KCNH1: variants seen among roughly 807,000 people sequenced by gnomAD.
The protein encoded by KCNH1 is voltage-gated delayed rectifier potassium channel KCNH1.
KCNH1 carries 27 observed loss-of-function variants against 69.2 expected under a neutral mutation model. The observed-to-expected ratio is 0.39, with a 90% CI of 0.29 to 0.54. KCNH1 has a LOEUF of 0.54. Among genes scored for constraint, KCNH1 ranks in the 20% least tolerant of loss-of-function variants. The pLI, the probability that KCNH1 is intolerant of heterozygous loss-of-function variation, is 0.68. For missense variants in KCNH1, 798 were observed against 1,261.6 expected, an observed-to-expected ratio of 0.63 and a Z score of 5.57; for synonymous variants, 456 against 487.7, an observed-to-expected ratio of 0.93 and a Z score of 0.86.
At chr1:210,988,037 G>A (rs1688873969) in intron 6 of KCNH1, among the ~76,000 whole-genome samples, 1 of 152,222 alleles carries the variant, frequency 6.6e-6, no homozygotes, top group South Asian at 2.1e-4. Context: ...TCAGACTGCT[G>A]TGCTAGTAAT....
intron 10 of KCNH1, among the ~76,000 whole-genome samples, chr1:210,698,780 G>A (rs973279289): frequency 3.3e-5 from 5 of 152,154 alleles, no homozygotes; most frequent in African/African-American, 1.2e-4. Flanking sequence ...GAGGAAGCTG[G>A]GAACGAGACT....
intron 7 of KCNH1, among the ~76,000 whole-genome samples, chr1:210,867,317 A>G (rs1458634736): frequency 6.9e-6 from 1 of 145,940 alleles, no homozygotes; most frequent in Non-Finnish European, 1.5e-5. Context: ...ACATAGAATT[A>G]TATGTATATG....
At chr1:210,699,897 C>G (rs964783329) in intron 10 of KCNH1, among the ~76,000 whole-genome samples, 1 of 152,120 alleles carries the variant, frequency 6.6e-6, no homozygotes, top group East Asian at 1.9e-4. Context: ...AGGTATGAGC[C>G]CACAAACCCA....
intron 7 of KCNH1, among the ~76,000 whole-genome samples, chr1:210,829,881 G>A (rs1685121764): frequency 6.6e-6 from 1 of 152,036 alleles, no homozygotes; most frequent in African/African-American, 2.4e-5. Context: ...TTATTAATCA[G>A]TCACATAGCC....
chr1:210,981,344 A>C (rs1383355574), intron 6 of KCNH1, among the ~76,000 whole-genome samples: 1 of 144,172 alleles, frequency 6.9e-6, no homozygotes, highest in Non-Finnish European at 1.5e-5. Context: ...TCCTCAGTCC[A>C]TGAATGAGTC....
intron 7 of KCNH1, chr1:210,862,032 T>G (rs1288940947): frequency 7.7e-6 from 6 of 781,260 alleles, no homozygotes; most frequent in Non-Finnish European, 1.4e-5. Context: ...GGCAATCTTC[T>G]TCTGGAATAG....
intron 9 of KCNH1, 110 bp downstream of exon 9, chr1:210,797,398 G>T: frequency 2.6e-6 from 3 of 1,173,322 alleles, no homozygotes; most frequent in Non-Finnish European, 2.5e-6. Flanking sequence ...ATTAGCAATT[G>T]GCCCTGCCCT....
chr1:211,127,436 A>C (rs1353652930), intron 1 of KCNH1, among the ~76,000 whole-genome samples: 3 of 152,198 alleles, frequency 2.0e-5, no homozygotes, highest in South Asian at 4.1e-4. Context: ...AAAAAAAAAA[A>C]AAAAAAAAAT....
intron 6 of KCNH1, among the ~76,000 whole-genome samples, chr1:210,948,931 C>T (rs1046323237): frequency 6.6e-6 from 1 of 151,832 alleles, no homozygotes; most frequent in Admixed American, 6.6e-5. Flanking sequence ...AATTTCATAT[C>T]ATTTTCTCAT....
rs1477187867 is a variant in KCNH1 at position 210,994,526 on chromosome 1, G to C, written c.1032+24257C>G. ...AGAGTCTTCAAGGAGATGGTAGTCT[G>C]TGCAGGGTCTTAAAGGATAGGCCCC... On this transcript the variant is annotated intron_variant, in intron 6 of 10. Transcript: ENST00000271751. Among the ~76,000 whole-genome samples, 16 of 152,222 alleles carry C rather than the reference G, an allele frequency of 1.1e-4. 1 individual carries two copies. The highest frequency in any genetic ancestry group is 1.0e-3 in the Admixed American group (16 of 15,278).
chr1:210,894,424 T>C (rs2102526919), intron 7 of KCNH1, among the ~76,000 whole-genome samples: 1 of 152,274 alleles, frequency 6.6e-6, no homozygotes, highest in South Asian at 2.1e-4. Context: ...CCAGTCACTG[T>C]TTTTTAATAA....
At chr1:210,959,906 G>T (rs2102355263) in intron 6 of KCNH1, among the ~76,000 whole-genome samples, 1 of 152,248 alleles carries the variant, frequency 6.6e-6, no homozygotes, top group East Asian at 1.9e-4. Context: ...GCCCTCCATG[G>T]GCTATACCCA....
intron 7 of KCNH1, among the ~76,000 whole-genome samples, chr1:210,841,696 C>T (rs990906616): frequency 4.6e-5 from 7 of 152,118 alleles, no homozygotes; most frequent in African/African-American, 1.7e-4. Context: ...CTTCTATAAT[C>T]TCTTATTTTA....
intron 5 of KCNH1, among the ~76,000 whole-genome samples, chr1:211,025,899 C>T (rs187641138): frequency 1.3e-5 from 2 of 152,212 alleles, no homozygotes; most frequent in East Asian, 3.9e-4. Flanking sequence ...AATGCAATGC[C>T]CCCTTTCAAC....
intron 7 of KCNH1, among the ~76,000 whole-genome samples, chr1:210,829,394 G>A (rs1685111383): frequency 6.6e-6 from 1 of 151,926 alleles, no homozygotes; most frequent in Non-Finnish European, 1.5e-5. Flanking sequence ...TCTGTATTGC[G>A]GCCAGGCTGG....
At chr1:210,846,499 A>G (rs1685551733) in intron 7 of KCNH1, among the ~76,000 whole-genome samples, 1 of 152,130 alleles carries the variant, frequency 6.6e-6, no homozygotes, top group South Asian at 2.1e-4. Context: ...CTATTTAATA[A>G]ATGGTGCTGG....
chr1:210,968,840 T>C (rs1029831300), intron 6 of KCNH1, among the ~76,000 whole-genome samples: 2 of 152,146 alleles, frequency 1.3e-5, no homozygotes, highest in Admixed American at 6.6e-5. Context: ...CTGATGGTAG[T>C]TTCTTGTCTT....
chr1:210,981,746 C>CT, intron 6 of KCNH1, among the ~76,000 whole-genome samples: 1 of 152,196 alleles, frequency 6.6e-6, no homozygotes, highest in African/African-American at 2.4e-5. Context: ...CTTGTGGAGA[C>CT]TTTTTTTCTA....
At chr1:210,778,798 T>C (rs79229877) in intron 9 of KCNH1, among the ~76,000 whole-genome samples, 3,072 of 152,350 alleles carry the variant, frequency 0.02, 58 homozygotes, top group Admixed American at 0.024. Context: ...AGCTAGTTGA[T>C]AATCTTGCCT....
Sources: gnomAD v4.1 joint callset for allele counts (sites outside exome capture counted in the v4.1 genomes callset) on GRCh38, gnomAD v4.1.1 for gene constraint, MANE v1.5 for transcripts, NCBI Gene and HGNC (gene_info 2026-07-23, HGNC 2026-07-21) for gene names.